Variants in SDC4 observed in about 807,000 individuals in gnomAD.
The protein encoded by SDC4 is syndecan 4.
SDC4 carries 17 observed loss-of-function variants against 20.5 expected under a neutral mutation model. The observed-to-expected ratio is 0.83, with a 90% CI of 0.57 to 1.25. SDC4 has a LOEUF of 1.25. Ranked by LOEUF, SDC4 falls within the 50% of genes most tolerant of loss-of-function variation. The pLI, the probability that SDC4 is intolerant of heterozygous loss-of-function variation, is 0.00. For missense variants in SDC4, 241 were observed against 252.3 expected (o/e 0.96, Z 0.30); for synonymous variants, 107 against 105.3 (o/e 1.02, Z -0.10).
intron 2 of SDC4, among the ~76,000 whole-genome samples, chr20:45,334,456 A>G (rs1016342086): frequency 3.3e-5 from 5 of 152,162 alleles, no homozygotes; most frequent in African/African-American, 9.7e-5. Flanking sequence ...ATCCCATAAT[A>G]TCATGTTGTA....
chr20:45,339,530 C>A (rs140294132), intron 1 of SDC4, among the ~76,000 whole-genome samples: 1,950 of 152,324 alleles, frequency 0.013, 42 homozygotes, highest in African/African-American at 0.045. Flanking sequence ...GGGAGGCTCA[C>A]TTGAGCCCAA....
intron 1 of SDC4, 110 bp from the exon 2 acceptor site, chr20:45,336,030 G>T: frequency 2.5e-6 from 3 of 1,215,988 alleles, no homozygotes; most frequent in Non-Finnish European, 3.4e-6. Flanking sequence ...GACCAGGCCA[G>T]GGCCTGGAGA....
Position 45,326,452 on chromosome 20 carries a change from CAAACAAAAACAA to C in SDC4, c.*800_*811del, listed in dbSNP as rs1417909798. 7 of 133,236 alleles carry C rather than the reference CAAACAAAAACAA, an allele frequency of 5.3e-5. No individual in the cohort carries two copies. The highest frequency in any genetic ancestry group is 1.9e-4 in the African/African-American group (7 of 35,962). The allele number at this position is 133,236 out of a possible 1,614,324, so 8.3% of individuals were successfully genotyped here. ...CGGCTCTTCTCTCATTTTCAAGAAA[CAAACAAAAACAA>C]AAACAAAAACCATTAAATACAAACT... On this transcript the variant is annotated 3_prime_UTR_variant, in exon 5 of 5. Transcript: ENST00000372733.
chr20:45,332,305 G>T (rs557163660), intron 3 of SDC4, among the ~76,000 whole-genome samples: 50 of 151,632 alleles, frequency 3.3e-4, no homozygotes, highest in Non-Finnish European at 6.5e-4. Context: ...GACTACAGGC[G>T]CACGCCACTG....
intron 2 of SDC4, among the ~76,000 whole-genome samples, chr20:45,335,256 C>T (rs1987843836): frequency 6.6e-6 from 1 of 152,008 alleles, no homozygotes; most frequent in African/African-American, 2.4e-5. Context: ...TGGCTCACTG[C>T]AGCCCCAACC....
At chr20:45,334,458 C>G (rs183911468) in intron 2 of SDC4, among the ~76,000 whole-genome samples, 145 of 152,216 alleles carry the variant, frequency 9.5e-4, no homozygotes, top group Admixed American at 2.1e-3. Flanking sequence ...CCCATAATAT[C>G]ATGTTGTATG....
At chr20:45,346,870 A>G (rs1256513657) in intron 1 of SDC4, among the ~76,000 whole-genome samples, 1 of 152,200 alleles carries the variant, frequency 6.6e-6, no homozygotes, top group African/African-American at 2.4e-5. Context: ...CACCTGGAGT[A>G]GCACAAAGAG....
At chr20:45,336,465 A>G (rs1447609122) in intron 1 of SDC4, among the ~76,000 whole-genome samples, 2 of 152,224 alleles carry the variant, frequency 1.3e-5, no homozygotes, top group Non-Finnish European at 2.9e-5. Context: ...TAATATGGCT[A>G]GATATCCTTT....
chr20:45,332,396 G>A (rs1278914946), intron 3 of SDC4, among the ~76,000 whole-genome samples: 1 of 151,762 alleles, frequency 6.6e-6, no homozygotes, highest in African/African-American at 2.4e-5. Flanking sequence ...CCTGACCTCA[G>A]GTGATCTGCC....
In SDC4 at chr20:45,330,424, C is replaced by T. The variant is rs1301305439; in HGVS notation, c.387G>A (p.Val129=). Residue 129 remains valine (V), a synonymous_variant, in exon 4 of 5, where the codon GTG becomes GTA. Transcript: ENST00000372733. ...TGCCCTGCACAGTGCTGGACATTGA[C>T]ACCTTGTTGGACACATCCTCACTCT... The part of the protein sequence containing the change: ...VEESEDVSNK[V]SMSSTVQGSN... 1 of 1,614,224 alleles carries T rather than the reference C, an allele frequency of 6.2e-7. No homozygotes were observed. The highest frequency in any genetic ancestry group is 8.5e-7 in the Non-Finnish European group (1 of 1,180,042).
chr20:45,348,334 G>T lies in SDC4; in HGVS notation c.51C>A (p.Val17=). 1 of 1,588,644 alleles carries T rather than the reference G, an allele frequency of 6.3e-7. No individual in the cohort carries two copies. The highest frequency in any genetic ancestry group is 8.6e-7 in the Non-Finnish European group (1 of 1,168,706). ...FALLLFFVGG[V]AESIRETEVI... is the part of the protein sequence containing the mutation. ...ACCTCCAAGCACCCACCGACTCGGCGACTCCGCCTACGAAGAACAGCAGCA... is the reference window on the plus strand; with the variant it reads ...ACCTCCAAGCACCCACCGACTCGGCTACTCCGCCTACGAAGAACAGCAGCA... The change falls in exon 1 of 5, where the codon GTC becomes GTA. Residue 17 remains valine (V), a synonymous_variant. Coordinates refer to ENST00000372733, the MANE Select transcript of SDC4 (RefSeq NM_002999.4).
intron 2 of SDC4, 21 bp from the exon 3 acceptor site, chr20:45,333,090 T>G (rs377248175): frequency 2.7e-5 from 44 of 1,613,332 alleles, no homozygotes; most frequent in Non-Finnish European, 3.5e-5. Context: ...AGAATAGCTG[T>G]GTGAGTGAGG....
At chr20:45,343,172 A>G (rs1987979414) in intron 1 of SDC4, among the ~76,000 whole-genome samples, 1 of 152,170 alleles carries the variant, frequency 6.6e-6, no homozygotes, top group Non-Finnish European at 1.5e-5. Flanking sequence ...GTGTTAGTTA[A>G]TGACAAACAA....
intron 4 of SDC4, among the ~76,000 whole-genome samples, chr20:45,328,274 A>G (rs1439026186): frequency 6.6e-6 from 1 of 152,156 alleles, no homozygotes; most frequent in Non-Finnish European, 1.5e-5. Flanking sequence ...TACCTCTCCT[A>G]CTTCCTGGCT....
rs1373489172 is a variant in SDC4, at chr20:45,326,330, A to G, written c.*934T>C. On this transcript the variant is annotated 3_prime_UTR_variant, in exon 5 of 5. Transcript: ENST00000372733. ...AAAACTGGGGAAGGGGTTTAATGAA[A>G]GAGAACAAAGAAAGAAGAGGGGAAG... is the stretch of plus-strand genomic sequence containing the variant. 1 of 150,900 alleles carries G rather than the reference A, an allele frequency of 6.6e-6. No homozygotes were observed. The highest frequency in any genetic ancestry group is 1.5e-5 in the Non-Finnish European group (1 of 67,718). 9.3% of individuals were successfully genotyped at this position (150,900 alleles called of 1,614,324 possible).
chr20:45,330,592 C>T lies in SDC4; in HGVS notation c.247-28G>A, dbSNP rs375256801. 4.4e-6 allele frequency: 7 copies of T among 1,603,240 alleles called. No individual in the cohort carries two copies. In the African/African-American group the frequency reaches 8.0e-5, roughly 18 times the overall value. ...GGATGGGCGGAAAGGAGAAGAGACA[C>T]TCAGCGTATTTTGGAAGAGACTCAG... is the stretch of plus-strand genomic sequence containing the variant. On this transcript the variant is annotated intron_variant, in intron 3 of 4. Transcript: ENST00000372733.
intron 2 of SDC4, among the ~76,000 whole-genome samples, chr20:45,334,797 T>A (rs1430012772): frequency 1.3e-5 from 2 of 149,746 alleles, no homozygotes; most frequent in African/African-American, 5.0e-5. Flanking sequence ...ATAAAATTTA[T>A]TTTTTTTTTA....
At chr20:45,346,012 T>C (rs1600735755) in intron 1 of SDC4, among the ~76,000 whole-genome samples, 2 of 152,264 alleles carry the variant, frequency 1.3e-5, no homozygotes, top group African/African-American at 4.8e-5. Context: ...AGTAGTACCA[T>C]TTTACCTCTC....
In SDC4 at chr20:45,333,397, G is replaced by A. The variant is rs114596090; in HGVS notation, c.200-328C>T. On this transcript the variant is annotated intron_variant, in intron 2 of 4. Coordinates refer to ENST00000372733, the MANE Select transcript of SDC4 (RefSeq NM_002999.4). ...AATGTAGAATTTCAAGGCCAGGCGCGGTGGCTCACGCCTGTAATCCCAGCA... is the reference window on the plus strand; with the variant it reads ...AATGTAGAATTTCAAGGCCAGGCGCAGTGGCTCACGCCTGTAATCCCAGCA... Among the ~76,000 whole-genome samples, 459 of 152,334 alleles carry A rather than the reference G, an allele frequency of 3.0e-3. 3 individuals are homozygous for A. The highest frequency in any genetic ancestry group is 9.9e-3 in the African/African-American group (413 of 41,568).
Sources: gnomAD v4.1 joint callset for allele counts (sites outside exome capture counted in the v4.1 genomes callset) on GRCh38, gnomAD v4.1.1 for gene constraint, MANE v1.5 for transcripts, NCBI Gene and HGNC (gene_info 2026-07-23, HGNC 2026-07-21) for gene names.